NEDD4L: variants seen among roughly 807,000 people sequenced by gnomAD.
NEDD4L encodes E3 ubiquitin-protein ligase NEDD4-like.
Under a neutral mutation model 148.9 loss-of-function variants are expected in NEDD4L, and 54 were observed. The ratio of observed to expected loss-of-function variants is 0.36; its 90% confidence interval spans 0.29 to 0.45. The LOEUF is 0.45. Among genes scored for constraint, NEDD4L ranks in the 20% least tolerant of loss-of-function variants. The pLI, the probability that NEDD4L is intolerant of heterozygous loss-of-function variation, is 1.00. For missense variants in NEDD4L, 856 were observed against 1,233.8 expected (o/e 0.69, Z 4.59); for synonymous variants, 433 against 440.7 (o/e 0.98, Z 0.22).
At chr18:58,273,414 G>A (rs1011291689) in intron 5 of NEDD4L, among the ~76,000 whole-genome samples, 2 of 152,196 alleles carry the variant, frequency 1.3e-5, no homozygotes, top group East Asian at 1.9e-4. Flanking sequence ...TCTCTCTCTC[G>A]TTGTTACTCT....
intron 5 of NEDD4L, among the ~76,000 whole-genome samples, chr18:58,273,874 T>C (rs2051447309): frequency 1.3e-5 from 2 of 152,176 alleles, no homozygotes; most frequent in South Asian, 4.1e-4. Flanking sequence ...TAATTAAAAA[T>C]GGGAAAATGA....
Position 58,324,317 on chromosome 18 carries a change from G to A in NEDD4L, c.514-679G>A, listed in dbSNP as rs76652110. On this transcript the variant is annotated intron_variant, in intron 8 of 30. Coordinates refer to ENST00000400345, the MANE Select transcript of NEDD4L (RefSeq NM_001144967.3). ...AGGGAATACGTAATGCCTAAAATAC[G>A]TGCTGTAAAAATGGAACTCGAATTT... Among the ~76,000 whole-genome samples, 130 of 152,306 alleles carry A rather than the reference G, an allele frequency of 8.5e-4. No homozygotes were observed. The East Asian group carries it at 0.015, about 17-fold the overall frequency.
In NEDD4L at chr18:58,366,199, C is replaced by T. The variant is rs1470199180; in HGVS notation, c.2034C>T (p.Pro678=). 1 of 1,610,908 alleles carries T rather than the reference C, an allele frequency of 6.2e-7. No individual in the cohort carries two copies. Residue 678 remains proline, a synonymous_variant, in exon 21 of 31, where the codon CCC becomes CCT. Transcript: ENST00000400345. The surrounding 1 kb of genome is among the most constrained non-coding windows in gnomAD (Gnocchi z 4.2). ...TACTGTCCAAAGAGATGTTCAACCC[C>T]TACTACGGCCTCTTTGAGTACTCTG... ...FFLLSKEMFN[P]YYGLFEYSAT...
At chr18:58,251,189 G>C (rs1600243569) in intron 4 of NEDD4L, among the ~76,000 whole-genome samples, 1 of 152,244 alleles carries the variant, frequency 6.6e-6, no homozygotes, top group Admixed American at 6.5e-5. Context: ...GATTAAAGGA[G>C]ATCATGGGTT....
Position 58,241,401 on chromosome 18 carries a change from T to C in NEDD4L, c.123-4026T>C, listed in dbSNP as rs576536110. Among the ~76,000 whole-genome samples, 4 of 152,332 alleles carry C rather than the reference T, an allele frequency of 2.6e-5. No individual in the cohort carries two copies. The East Asian group carries it at 7.7e-4, about 29-fold the overall frequency. ...ACTGCAGCCATGCCAGACTTTTTAA[T>C]GTTCTGAACCCCAGCTCCAGCCTAT... On this transcript the variant is annotated intron_variant, in intron 2 of 30. Transcript: ENST00000400345.
At chr18:58,322,354 C>A in intron 6 of NEDD4L, 71 bp from the exon 7 acceptor site, 2 of 1,021,962 alleles carry the variant, frequency 2.0e-6, no homozygotes, top group East Asian at 2.6e-5. Flanking sequence ...TCTCTGTAAT[C>A]CAGTTGCCTG....
At chr18:58,127,603 G>A (rs866909292) in intron 1 of NEDD4L, among the ~76,000 whole-genome samples, 1 of 151,906 alleles carries the variant, frequency 6.6e-6, no homozygotes, top group African/African-American at 2.4e-5. Flanking sequence ...ACTTTGGGAG[G>A]CCGAGGCAGG....
intron 1 of NEDD4L, among the ~76,000 whole-genome samples, chr18:58,124,517 G>A (rs183600464): frequency 6.6e-6 from 1 of 152,268 alleles, no homozygotes; most frequent in African/African-American, 2.4e-5. Context: ...TCTGTAAGTG[G>A]AATCTCACCT....
chr18:58,063,701 G>C (rs1274998510), intron 1 of NEDD4L, among the ~76,000 whole-genome samples: 1 of 151,750 alleles, frequency 6.6e-6, no homozygotes, highest in African/African-American at 2.4e-5. Context: ...GAGTAGCTGG[G>C]ACTACAGGCA....
Position 58,309,531 on chromosome 18 carries a change from A to T in NEDD4L, c.298-6451A>T, listed in dbSNP as rs73959604. Among the ~76,000 whole-genome samples, 426 of 152,062 alleles carry T rather than the reference A, an allele frequency of 2.8e-3. 3 individuals carry two copies. The highest frequency in any genetic ancestry group is 1.0e-2 in the African/African-American group (413 of 41,482). Reference sequence around the variant, plus strand: ...TCCAGGTGAGGATGTGCGGGGAGAGATGCCTCCTGCCTGTGGCTGAGCCCT... The same window carrying T: ...TCCAGGTGAGGATGTGCGGGGAGAGTTGCCTCCTGCCTGTGGCTGAGCCCT... On this transcript the variant is annotated intron_variant, in intron 5 of 30. Coordinates refer to ENST00000400345, the MANE Select transcript of NEDD4L (RefSeq NM_001144967.3).
chr18:58,324,278 A>G (rs559666856), intron 8 of NEDD4L, among the ~76,000 whole-genome samples: 2 of 152,356 alleles, frequency 1.3e-5, no homozygotes, highest in Admixed American at 1.3e-4. Context: ...TGATTTTAGC[A>G]GAGGATGTTA....
chr18:58,172,949 G>A (rs1458648308), intron 2 of NEDD4L, among the ~76,000 whole-genome samples: 2 of 152,152 alleles, frequency 1.3e-5, no homozygotes, highest in South Asian at 2.1e-4. Context: ...TTTTGTGTTA[G>A]CAGATTTAAA....
chr18:58,057,221 A>AT (rs1269798433), intron 1 of NEDD4L, among the ~76,000 whole-genome samples: 1 of 147,924 alleles, frequency 6.8e-6, no homozygotes, highest in Non-Finnish European at 1.5e-5. Context: ...TATTGCAAGG[A>AT]TTTCTGGGTA....
intron 23 of NEDD4L, among the ~76,000 whole-genome samples, chr18:58,371,129 C>T (rs978725498): frequency 2.7e-5 from 4 of 146,888 alleles, no homozygotes; most frequent in African/African-American, 1.0e-4. Context: ...TTCCGCCTTG[C>T]GGATTCTAGC....
Position 58,306,965 on chromosome 18 carries a change from G to T in NEDD4L, c.298-9017G>T, listed in dbSNP as rs1209217435. ...CTTAACCTCCTTATAGCAGTGTTTG[G>T]CACATGATAGATGAGCTACAGGTTG... On this transcript the variant is annotated intron_variant, in intron 5 of 30. Transcript: ENST00000400345. 3.9e-5 allele frequency among the ~76,000 whole-genome samples: 6 copies of T among 152,194 alleles called. No individual in the cohort carries two copies. The East Asian group carries it at 1.2e-3, about 29-fold the overall frequency.
In NEDD4L at chr18:58,195,551, C is replaced by T. The variant is rs4149606; in HGVS notation, c.122+29690C>T. Reference sequence around the variant, plus strand: ...GGGAGCGGCTGCAGAGCCCTGTCCACGCGGTGCCTCCCCAGCACGGCACCT... The same window carrying T: ...GGGAGCGGCTGCAGAGCCCTGTCCATGCGGTGCCTCCCCAGCACGGCACCT... On this transcript the variant is annotated intron_variant, in intron 2 of 30. Coordinates refer to ENST00000400345, the MANE Select transcript of NEDD4L (RefSeq NM_001144967.3). The T allele has an allele frequency of 1.3e-3, 1,779 of 1,339,370 alleles. 2 individuals carry two copies. Among genetic ancestry groups the T allele is most frequent in the Non-Finnish European group, 1.6e-3 (1,625 of 1,015,950 alleles). The allele number at this position is 1,339,370 out of a possible 1,614,324, so 83.0% of individuals were successfully genotyped here. A position where few individuals can be genotyped will look rare whatever the true frequency, so the allele number is the denominator to read the frequency against.
chr18:58,056,312 A>T (rs1225409590), intron 1 of NEDD4L, among the ~76,000 whole-genome samples: 10 of 152,206 alleles, frequency 6.6e-5, no homozygotes, highest in African/African-American at 9.7e-5. Context: ...TAGAATTGTG[A>T]GGCTTGAGTT....
intron 1 of NEDD4L, among the ~76,000 whole-genome samples, chr18:58,124,570 TAG>T (rs149732500): frequency 0.014 from 2,098 of 152,258 alleles, 42 homozygotes; most frequent in African/African-American, 0.048. Context: ...GCTCCATCTT[TAG>T]AGAGTCACCT....
chr18:58,386,268 G>C (rs2049006572), intron 26 of NEDD4L, among the ~76,000 whole-genome samples: 1 of 152,104 alleles, frequency 6.6e-6, no homozygotes, highest in Admixed American at 6.5e-5. Flanking sequence ...GGCCAGGATG[G>C]TCTTGATCTC....
Sources: allele counts gnomAD v4.1 joint callset (sites outside exome capture counted in the v4.1 genomes callset), GRCh38; gene constraint gnomAD v4.1.1; non-coding constraint Gnocchi (gnomAD v3.1); transcripts MANE v1.5; gene names NCBI Gene and HGNC (gene_info 2026-07-23, HGNC 2026-07-21).